RBM27: variants seen among roughly 807,000 people sequenced by gnomAD.
RBM27 encodes the protein RNA-binding protein 27.
Under a neutral mutation model 135.3 loss-of-function variants are expected in RBM27, and 22 were observed. That is an observed-to-expected ratio of 0.16 (90% CI 0.12 to 0.23). The LOEUF is 0.23. Among genes scored for constraint, RBM27 ranks in the 10% least tolerant of loss-of-function variants. The pLI, the probability that RBM27 is intolerant of heterozygous loss-of-function variation, is 1.00. For missense variants in RBM27, 1,009 were observed against 1,281.0 expected (o/e 0.79, Z 3.24); for synonymous variants, 481 against 442.4 (o/e 1.09, Z -1.10).
chr5:146,204,035 C>CT (rs1296346839), intron 1 of RBM27, among the ~76,000 whole-genome samples: 1 of 150,392 alleles, frequency 6.6e-6, no homozygotes, highest in Non-Finnish European at 1.5e-5. Context: ...AATATGGGGA[C>CT]TGGGGGGGCA....
chr5:146,265,012 A>G (rs1758555488), intron 14 of RBM27, among the ~76,000 whole-genome samples: 1 of 152,136 alleles, frequency 6.6e-6, no homozygotes, highest in Admixed American at 6.6e-5. Flanking sequence ...AAATGATACA[A>G]CCCTCATGAA....
chr5:146,212,346 G>T lies in RBM27; in HGVS notation c.60-6639G>T, dbSNP rs554482649. ...TGGGATTACAGGCGTGAGCCACCCC[G>T]CCCGGCCCTTGTTTTTTATTAAGAC... is the stretch of plus-strand genomic sequence containing the variant. On this transcript the variant is annotated intron_variant, in intron 1 of 20. Coordinates refer to ENST00000265271, the MANE Select transcript of RBM27 (RefSeq NM_018989.2). Among the ~76,000 whole-genome samples, 69 of 147,618 alleles carry T rather than the reference G, an allele frequency of 4.7e-4. 1 individual carries two copies. Among genetic ancestry groups the T allele is most frequent in the African/African-American group, 1.7e-3 (67 of 39,872 alleles).
chr5:146,289,017 T>A lies in RBM27; in HGVS notation c.*2987T>A, dbSNP rs1330637577. On this transcript the variant is annotated 3_prime_UTR_variant, in exon 21 of 21. Transcript: ENST00000265271. ...TAGGAGATATTGTTGAATTTCTAAC[T>A]GTTTATACATTTAAATTCATATATG... 6.6e-6 allele frequency: 1 copy of A among 152,114 alleles called. No individual in the cohort carries two copies. Among genetic ancestry groups the A allele is most frequent in the Non-Finnish European group, 1.5e-5 (1 of 67,972 alleles). 9.4% of individuals were successfully genotyped at this position (152,114 alleles called of 1,614,324 possible). A position where few individuals can be genotyped will look rare whatever the true frequency, so the allele number is the denominator to read the frequency against.
intron 8 of RBM27, among the ~76,000 whole-genome samples, chr5:146,249,804 TTTTA>T (rs373844082): frequency 7.9e-5 from 12 of 152,258 alleles, no homozygotes; most frequent in African/African-American, 2.9e-4. Flanking sequence ...CCCCATCAAC[TTTTA>T]TTTTAAGTTC....
intron 19 of RBM27, among the ~76,000 whole-genome samples, chr5:146,280,906 G>A (rs1038963485): frequency 1.3e-5 from 2 of 151,972 alleles, no homozygotes; most frequent in Admixed American, 6.6e-5. Flanking sequence ...CACTCAGGCT[G>A]GAGTGCAGTG....
chr5:146,247,279 C>A (rs1223982649), intron 8 of RBM27, among the ~76,000 whole-genome samples: 5 of 152,138 alleles, frequency 3.3e-5, no homozygotes, highest in African/African-American at 1.2e-4. Context: ...ACTTATGTAT[C>A]TTTGAAGATA....
At chr5:146,277,394 T>C (rs1561569049) in intron 19 of RBM27, among the ~76,000 whole-genome samples, 1 of 152,204 alleles carries the variant, frequency 6.6e-6, no homozygotes, top group East Asian at 1.9e-4. Context: ...CATTCTGTTA[T>C]AAGAATATGC....
chr5:146,209,030 C>T (rs921756260), intron 1 of RBM27, among the ~76,000 whole-genome samples: 2 of 152,098 alleles, frequency 1.3e-5, no homozygotes, highest in African/African-American at 4.8e-5. Flanking sequence ...GTATCTATCT[C>T]TAATTCACTC....
chr5:146,229,787 T>G lies in RBM27; in HGVS notation c.466T>G (p.Tyr156Asp). The change falls in exon 5 of 21, where the codon TAC (tyrosine) becomes GAC (aspartate). Residue 156 changes from tyrosine to aspartate, a missense_variant. Physicochemically the swap from Tyr to Asp is radical, Grantham distance 160. Around this residue, in one of 6 missense-constraint regions of RBM27, gnomAD observed 268 missense variants for 326.6 expected, o/e 0.82. Coordinates refer to ENST00000265271, the MANE Select transcript of RBM27 (RefSeq NM_018989.2). ...YDRYYERNEL[Y>D]REKYDWRRGR... The stretch of plus-strand genomic sequence containing the variant: ...CCGGTACTATGAGCGGAATGAATTG[T>G]ACCGTGAGAAGTATGACTGGAGAAG... 1 of 1,613,704 alleles carries G rather than the reference T, an allele frequency of 6.2e-7. No homozygotes were observed. The highest frequency in any genetic ancestry group is 8.5e-7 in the Non-Finnish European group (1 of 1,179,814).
chr5:146,210,960 A>AG (rs1235467929), intron 1 of RBM27, among the ~76,000 whole-genome samples: 1 of 150,560 alleles, frequency 6.6e-6, no homozygotes, highest in East Asian at 2.0e-4. Context: ...AAAAAAAAAA[A>AG]GAAAAATTCT....
chr5:146,247,537 T>TC (rs1757682282), intron 8 of RBM27, among the ~76,000 whole-genome samples: 2 of 152,320 alleles, frequency 1.3e-5, no homozygotes, highest in South Asian at 4.1e-4. Flanking sequence ...TCTTTTTTTT[T>TC]CTCCCTTGGC....
chr5:146,259,837 G>A (rs1401155712), intron 11 of RBM27, among the ~76,000 whole-genome samples: 2 of 150,510 alleles, frequency 1.3e-5, no homozygotes, highest in Non-Finnish European at 3.0e-5. Flanking sequence ...GCCGGGCGCA[G>A]TGGCGGGCGC....
chr5:146,240,089 A>G (rs973567645), intron 8 of RBM27, among the ~76,000 whole-genome samples: 6 of 151,966 alleles, frequency 3.9e-5, no homozygotes, highest in African/African-American at 1.2e-4. Flanking sequence ...TAACTCTTTC[A>G]ATAGTCTACC....
intron 1 of RBM27, among the ~76,000 whole-genome samples, chr5:146,218,518 T>C (rs981956615): frequency 6.6e-6 from 1 of 152,222 alleles, no homozygotes; most frequent in African/African-American, 2.4e-5. Flanking sequence ...AAAGGGCTGA[T>C]AGCCATTTTT....
In RBM27 at chr5:146,249,792, T is replaced by C. The variant is rs1044054189; in HGVS notation, c.1280-1919T>C. Among the ~76,000 whole-genome samples the C allele has an allele frequency of 4.6e-5, 7 of 152,142 alleles. No individual in the cohort carries two copies. In the East Asian group the frequency reaches 7.7e-4, roughly 17 times the overall value. On this transcript the variant is annotated intron_variant, in intron 8 of 20. Transcript: ENST00000265271. ...TGATTCTTTTTAAATGTACTTTTTTTTCCCCATCAACTTTTATTTTAAGTT... is the reference window on the plus strand; with the variant it reads ...TGATTCTTTTTAAATGTACTTTTTTCTCCCCATCAACTTTTATTTTAAGTT...
chr5:146,277,278 A>G (rs996751916), intron 19 of RBM27, among the ~76,000 whole-genome samples: 1 of 152,182 alleles, frequency 6.6e-6, no homozygotes, highest in Non-Finnish European at 1.5e-5. Context: ...TGTCATATGT[A>G]TACATACTAC....
chr5:146,213,159 A>G (rs995994766), intron 1 of RBM27, among the ~76,000 whole-genome samples: 3 of 151,114 alleles, frequency 2.0e-5, no homozygotes, highest in African/African-American at 4.9e-5. Flanking sequence ...CTGGAGTGCA[A>G]TGGCGTGATC....
At chr5:146,214,668 T>G (rs1259699162) in intron 1 of RBM27, among the ~76,000 whole-genome samples, 1 of 152,184 alleles carries the variant, frequency 6.6e-6, no homozygotes, top group Non-Finnish European at 1.5e-5. Flanking sequence ...TGTATTTAAG[T>G]TTCACCATTC....
rs116572761 is a variant in RBM27 at position 146,273,995 on chromosome 5, T to G, written c.2988+2321T>G. Among the ~76,000 whole-genome samples the G allele has an allele frequency of 8.3e-3, 1,263 of 152,244 alleles. 15 individuals carry two copies. Among genetic ancestry groups the G allele is most frequent in the African/African-American group, 0.029 (1,202 of 41,562 alleles). On this transcript the variant is annotated intron_variant, in intron 19 of 20. Coordinates refer to ENST00000265271, the MANE Select transcript of RBM27 (RefSeq NM_018989.2). The stretch of plus-strand genomic sequence containing the variant: ...TGTTTTGCTGCCTTTAAAAATGTAT[T>G]TTTTTTGAGACGGAGTTTTGCTCTC...
Sources: gnomAD v4.1 joint callset for allele counts (sites outside exome capture counted in the v4.1 genomes callset) on GRCh38, gnomAD v4.1.1 for gene constraint, gnomAD v4.1.1 regional missense constraint, MANE v1.5 for transcripts, NCBI Gene and HGNC (gene_info 2026-07-23, HGNC 2026-07-21) for gene names.